The following PIP4K2A variants were observed in gnomAD, a reference collection of about 807,000 sequenced individuals.
PIP4K2A encodes the protein phosphatidylinositol 5-phosphate 4-kinase type-2 alpha.
PIP4K2A carries 14 observed loss-of-function variants against 42.9 expected under a neutral mutation model. The ratio of observed to expected loss-of-function variants is 0.33; its 90% CI spans 0.22 to 0.51. The LOEUF is 0.51. PIP4K2A is among the 20% of genes least tolerant of loss of function. The pLI is 0.97. For missense variants in PIP4K2A, 434 were observed against 519.8 expected (o/e 0.83, Z 1.61); for synonymous variants, 192 against 192.2 (o/e 1.00, Z 0.01).
chr10:22,551,105 C>CTAAG (rs1224018696), intron 6 of PIP4K2A, among the ~76,000 whole-genome samples: 4 of 152,216 alleles, frequency 2.6e-5, no homozygotes, highest in Non-Finnish European at 5.9e-5. Context: ...AAGAAGTCTT[C>CTAAG]TAAGTATAAA....
chr10:22,701,100 G>A (rs1233019619), intron 1 of PIP4K2A, among the ~76,000 whole-genome samples: 1 of 152,126 alleles, frequency 6.6e-6, no homozygotes, highest in Non-Finnish European at 1.5e-5. Context: ...AATTTCAAGA[G>A]CCTACCACTA....
At chr10:22,638,284 T>G (rs1838709043) in intron 1 of PIP4K2A, among the ~76,000 whole-genome samples, 1 of 152,208 alleles carries the variant, frequency 6.6e-6, no homozygotes, top group Non-Finnish European at 1.5e-5. Flanking sequence ...CATAGTAAAT[T>G]AACTCCACTC....
chr10:22,569,036 T>C, intron 5 of PIP4K2A: 5 of 1,535,354 alleles, frequency 3.3e-6, no homozygotes, highest in Non-Finnish European at 3.5e-6. Context: ...AAAGTGAAAG[T>C]GGCTTTTAGA....
intron 1 of PIP4K2A, among the ~76,000 whole-genome samples, chr10:22,646,677 G>C (rs1838890843): frequency 6.6e-6 from 1 of 152,164 alleles, no homozygotes; most frequent in Admixed American, 6.5e-5. Context: ...AACTTGGGAG[G>C]GACACTTTGT....
chr10:22,627,383 AG>A (rs1588672754), intron 1 of PIP4K2A, among the ~76,000 whole-genome samples: 2 of 151,990 alleles, frequency 1.3e-5, no homozygotes, highest in African/African-American at 2.4e-5. Context: ...ACATATTCCT[AG>A]GAACAGCATA....
chr10:22,586,856 CACTGCTCTGAGCATGTTATAATATGA>C (rs1837407527), intron 4 of PIP4K2A, among the ~76,000 whole-genome samples: 1 of 152,178 alleles, frequency 6.6e-6, no homozygotes, highest in Non-Finnish European at 1.5e-5. Context: ...ATATACTAGA[CACTGCTCTGAGCATGTTATAATATGA>C]ATTCACCTAA....
At chr10:22,620,321 C>G (rs912703792) in intron 1 of PIP4K2A, among the ~76,000 whole-genome samples, 3 of 152,214 alleles carry the variant, frequency 2.0e-5, no homozygotes, top group Non-Finnish European at 4.4e-5. Flanking sequence ...AGAGGTAATA[C>G]TGGCTTTTTT....
intron 1 of PIP4K2A, among the ~76,000 whole-genome samples, chr10:22,656,406 C>G (rs1335356098): frequency 2.0e-5 from 3 of 152,208 alleles, no homozygotes; most frequent in Admixed American, 2.0e-4. Flanking sequence ...GGGGTAAGGA[C>G]AGTCAGGCCT....
intron 1 of PIP4K2A, among the ~76,000 whole-genome samples, chr10:22,688,186 A>G (rs898120866): frequency 2.6e-5 from 4 of 152,198 alleles, no homozygotes; most frequent in African/African-American, 9.6e-5. Context: ...AATCTGAAAT[A>G]TTTTTAAAGA....
At chr10:22,665,217 C>A (rs1483663169) in intron 1 of PIP4K2A, among the ~76,000 whole-genome samples, 2 of 152,198 alleles carry the variant, frequency 1.3e-5, no homozygotes, top group Non-Finnish European at 2.9e-5. Flanking sequence ...CCAAGGTGCG[C>A]AGCTTGGTTG....
rs111565651 is a variant in PIP4K2A at position 22,626,539 on chromosome 10, C to T, written c.145-16822G>A. 1.2e-3 allele frequency among the ~76,000 whole-genome samples: 186 copies of T among 152,272 alleles called. 2 individuals carry two copies. Among genetic ancestry groups the T allele is most frequent in the African/African-American group, 4.2e-3 (175 of 41,560 alleles). Reference sequence around the variant, plus strand: ...TTTTCTTTTGTGCCTGAAAATGTTTCTGAAAATTGAGGAGAATAAGGATGA... The same window carrying T: ...TTTTCTTTTGTGCCTGAAAATGTTTTTGAAAATTGAGGAGAATAAGGATGA... On this transcript the variant is annotated intron_variant, in intron 1 of 9. Coordinates refer to ENST00000376573, the MANE Select transcript of PIP4K2A (RefSeq NM_005028.5).
chr10:22,690,207 A>G (rs1436500981), intron 1 of PIP4K2A, among the ~76,000 whole-genome samples: 2 of 152,240 alleles, frequency 1.3e-5, no homozygotes, highest in Admixed American at 6.5e-5. Context: ...GGTTGGGGGA[A>G]CAATCCCAAA....
chr10:22,686,707 C>A (rs1236809267), intron 1 of PIP4K2A, among the ~76,000 whole-genome samples: 1 of 152,114 alleles, frequency 6.6e-6, no homozygotes, highest in African/African-American at 2.4e-5. Context: ...TGACTTCTAG[C>A]AATCCTCCCA....
At chr10:22,679,787 C>A (rs1839625275) in intron 1 of PIP4K2A, among the ~76,000 whole-genome samples, 1 of 151,980 alleles carries the variant, frequency 6.6e-6, no homozygotes, top group South Asian at 2.1e-4. Flanking sequence ...AAACCTTATG[C>A]CAAATGAACA....
At chr10:22,653,290 G>A (rs891749465) in intron 1 of PIP4K2A, among the ~76,000 whole-genome samples, 1 of 152,094 alleles carries the variant, frequency 6.6e-6, no homozygotes, top group South Asian at 2.1e-4. Flanking sequence ...AGGAAATGAA[G>A]GAAGGCAGTG....
intron 1 of PIP4K2A, among the ~76,000 whole-genome samples, chr10:22,635,277 C>A (rs924746606): frequency 6.6e-6 from 1 of 152,086 alleles, no homozygotes; most frequent in Non-Finnish European, 1.5e-5. Flanking sequence ...GCAGGTTCAT[C>A]GAATGTAACA....
At chr10:22,704,855 C>CTTT (rs1234685046) in intron 1 of PIP4K2A, among the ~76,000 whole-genome samples, 3 of 152,106 alleles carry the variant, frequency 2.0e-5, no homozygotes, top group Non-Finnish European at 4.4e-5. Context: ...AACCACTAAC[C>CTTT]ACATGTGGCT....
chr10:22,592,969 G>A (rs938323376), intron 3 of PIP4K2A, among the ~76,000 whole-genome samples: 1 of 152,220 alleles, frequency 6.6e-6, no homozygotes, highest in South Asian at 2.1e-4. Flanking sequence ...CCTTCAGAGG[G>A]GCAGGTGATA....
At chr10:22,652,226 G>A (rs1458086297) in intron 1 of PIP4K2A, among the ~76,000 whole-genome samples, 1 of 151,866 alleles carries the variant, frequency 6.6e-6, no homozygotes, top group Non-Finnish European at 1.5e-5. Context: ...CAAGCCAAGC[G>A]ATTCTCCTGC....
Sources: gnomAD v4.1 joint callset for allele counts (sites outside exome capture counted in the v4.1 genomes callset) on GRCh38, gnomAD v4.1.1 for gene constraint, MANE v1.5 for transcripts, NCBI Gene and HGNC (gene_info 2026-07-23, HGNC 2026-07-21) for gene names.